The following CFAP91 variants were observed in gnomAD, a reference collection of about 807,000 sequenced individuals.
CFAP91 encodes cilia- and flagella-associated protein 91.
A neutral mutation model predicts 95.9 loss-of-function variants in CFAP91; 85 were observed. The ratio of observed to expected loss-of-function variants is 0.89; its 90% CI spans 0.74 to 1.06. The LOEUF (loss-of-function observed/expected upper bound fraction) is 1.06, where lower values mean the gene tolerates loss of function less well. Ranked by LOEUF, CFAP91 falls within the 50% of genes least tolerant of loss-of-function variation. The pLI, the probability that CFAP91 is intolerant of heterozygous loss-of-function variation, is 0.00. For missense variants in CFAP91, 962 were observed against 943.4 expected (o/e 1.02, Z -0.26); for synonymous variants, 335 against 327.5 (o/e 1.02, Z -0.25).
At chr3:119,751,768 G>A (rs568606324) in intron 17 of CFAP91, among the ~76,000 whole-genome samples, 1 of 152,210 alleles carries the variant, frequency 6.6e-6, no homozygotes. Flanking sequence ...GTTCACACCG[G>A]GTGGGTACAG....
chr3:119,739,522 C>T (rs1227832226), intron 12 of CFAP91, 196 bp downstream of exon 12: 17 of 545,910 alleles, frequency 3.1e-5, no homozygotes, highest in South Asian at 2.3e-4. Flanking sequence ...GTGGGTGGCA[C>T]AGTGTCAAGG....
intron 10 of CFAP91, 147 bp downstream of exon 10, chr3:119,733,653 C>A: frequency 2.7e-6 from 2 of 750,964 alleles, no homozygotes; most frequent in Non-Finnish European, 4.3e-6. Context: ...CCATGCTGTG[C>A]TGAACCAATG....
chr3:119,710,717 C>T (rs2053457166), intron 5 of CFAP91, among the ~76,000 whole-genome samples: 1 of 152,096 alleles, frequency 6.6e-6, no homozygotes, highest in Non-Finnish European at 1.5e-5. Flanking sequence ...TTTTTGAATG[C>T]TAGAATTTTA....
intron 17 of CFAP91, among the ~76,000 whole-genome samples, chr3:119,760,224 C>G (rs186615239): frequency 6.6e-6 from 1 of 151,834 alleles, no homozygotes; most frequent in African/African-American, 2.4e-5. Flanking sequence ...CAAAATAGAA[C>G]AAGTGTAGCT....
chr3:119,703,076 G>A lies in CFAP91; in HGVS notation c.-23G>A, dbSNP rs1559742028. ...AGGCCTGACCCGCTGGTCCCTTGCT[G>A]GCGGGAGGAAAGAGGCGGCACCATG... On this transcript the variant is annotated 5_prime_UTR_variant, in exon 1 of 18. Coordinates refer to ENST00000273390, the MANE Select transcript of CFAP91 (RefSeq NM_033364.4). The A allele has an allele frequency of 3.2e-6, 5 of 1,550,464 alleles. No homozygotes were observed. Among genetic ancestry groups the A allele is most frequent in the Non-Finnish European group, 4.4e-6 (5 of 1,147,056 alleles).
Position 119,732,417 on chromosome 3 carries a change from T to G in CFAP91, c.1142T>G (p.Phe381Cys), listed in dbSNP as rs768065949. Reference protein sequence around the residue: ...VYGPLSRLGCFPDNNSEDFVV... With the variant: ...VYGPLSRLGCCPDNNSEDFVV... ...GGACCTCTGTCTCGTCTTGGGTGTT[T>G]CCCAGACAACAACTCAGAGGACTTT... is the stretch of plus-strand genomic sequence containing the variant. Residue 381 changes from phenylalanine to cysteine, a missense_variant, in exon 9 of 18, where the codon TTC (phenylalanine) becomes TGC (cysteine). By Grantham distance (205) the Phe-to-Cys change is radical. Transcript: ENST00000273390. 2 of 1,612,740 alleles carry G rather than the reference T, an allele frequency of 1.2e-6. No individual in the cohort carries two copies. The highest frequency in any genetic ancestry group is 1.3e-5 in the African/African-American group (1 of 74,988).
intron 10 of CFAP91, among the ~76,000 whole-genome samples, chr3:119,733,833 G>C (rs1423733948): frequency 6.6e-6 from 1 of 152,100 alleles, no homozygotes; most frequent in Non-Finnish European, 1.5e-5. Context: ...GCTATAATAG[G>C]CCCGATTTTC....
At chr3:119,749,617 A>T (rs747674433) in intron 16 of CFAP91, among the ~76,000 whole-genome samples, 9 of 152,164 alleles carry the variant, frequency 5.9e-5, no homozygotes, top group Non-Finnish European at 1.3e-4. Flanking sequence ...AACGGAATCC[A>T]GTGGAACTTA....
chr3:119,747,812 C>T lies in CFAP91; in HGVS notation c.2053C>T (p.Arg685Ter), dbSNP rs113141950. 5.6e-6 allele frequency: 9 copies of T among 1,610,618 alleles called. No homozygotes were observed. Among genetic ancestry groups the T allele is most frequent in the East Asian group, 4.5e-5 (2 of 44,806 alleles). ...NDIAYEMESR[R>*]TYLQSEEIVA... is the part of the protein sequence containing the mutation. ...TTCAATTTGTTTTATATTTTTTAGC[C>T]GAACCTATCTTCAGTCAGAGGAGAT... Residue 685 changes from arginine (R) to a stop codon, truncating the protein, a stop_gained and splice_region_variant, in exon 16 of 18, where the codon CGA (arginine) becomes TGA (stop). Coordinates refer to ENST00000273390, the MANE Select transcript of CFAP91 (RefSeq NM_033364.4). LOFTEE classifies it high-confidence loss of function.
chr3:119,745,213 AAT>A (rs2054198442), intron 14 of CFAP91, among the ~76,000 whole-genome samples: 2 of 152,266 alleles, frequency 1.3e-5, no homozygotes, highest in South Asian at 4.1e-4. Flanking sequence ...TCCTAATTAA[AAT>A]ATAGTGACTA....
intron 5 of CFAP91, chr3:119,715,321 T>A (rs1199114731): frequency 6.4e-6 from 4 of 627,114 alleles, no homozygotes; most frequent in Non-Finnish European, 1.1e-5. Flanking sequence ...TAGGCACTTC[T>A]GTGGGTCAAC....
intron 3 of CFAP91, among the ~76,000 whole-genome samples, chr3:119,708,001 G>T (rs772914820): frequency 7.4e-4 from 113 of 152,056 alleles, no homozygotes; most frequent in African/African-American, 2.1e-3. Context: ...GTGTCTTTTG[G>T]CCAGGCACAG....
Position 119,732,465 on chromosome 3 carries a change from A to C in CFAP91, c.1190A>C (p.Asn397Thr). 6.3e-7 allele frequency: 1 copy of C among 1,599,662 alleles called. No homozygotes were observed. The highest frequency in any genetic ancestry group is 8.5e-7 in the Non-Finnish European group (1 of 1,174,054). The stretch of plus-strand genomic sequence containing the variant: ...TTTGTAGTAAAAAACTACTATCTCA[A>C]CACCTATGAAGGTAAGCAATTTACA... The part of the protein sequence containing the change: ...EDFVVKNYYL[N>T]TYEGLVELES... Residue 397 changes from asparagine to threonine, a missense_variant, in exon 9 of 18, where the codon AAC becomes ACC. By Grantham distance (65) the Asn-to-Thr change is moderately conservative. Transcript: ENST00000273390.
At chr3:119,712,483 A>G (rs1481045427) in intron 5 of CFAP91, among the ~76,000 whole-genome samples, 1 of 152,236 alleles carries the variant, frequency 6.6e-6, no homozygotes, top group Admixed American at 6.5e-5. Context: ...ATGGTGCAGT[A>G]ATATAATAAA....
At chr3:119,751,204 A>G in intron 17 of CFAP91, 106 bp downstream of exon 17, 1 of 1,273,468 alleles carries the variant, frequency 7.9e-7, no homozygotes, top group Non-Finnish European at 1.1e-6. Context: ...ATTGCTGTTT[A>G]AGAAATGGAG....
intron 7 of CFAP91, 29 bp from the exon 8 acceptor site, chr3:119,730,191 C>A: frequency 6.2e-7 from 1 of 1,603,724 alleles, no homozygotes; most frequent in Non-Finnish European, 8.5e-7. Context: ...ATGCCATATG[C>A]TTCTTTATGT....
chr3:119,747,724 G>A (rs2054250916), intron 15 of CFAP91, 87 bp from the exon 16 acceptor site: 4 of 1,030,662 alleles, frequency 3.9e-6, no homozygotes, highest in Non-Finnish European at 5.7e-6. Context: ...GGGTTTGAAT[G>A]GAGTTGCTTA....
chr3:119,743,214 C>T (rs1310439924), intron 13 of CFAP91, among the ~76,000 whole-genome samples: 2 of 151,088 alleles, frequency 1.3e-5, no homozygotes, highest in Non-Finnish European at 1.5e-5. Flanking sequence ...GCCTCCTGGG[C>T]GCAGGCAATT....
Position 119,740,669 on chromosome 3 carries a change from C to A in CFAP91, c.1654C>A (p.Arg552=). 6.2e-7 allele frequency: 1 copy of A among 1,614,110 alleles called. No homozygotes were observed. The highest frequency in any genetic ancestry group is 1.1e-5 in the South Asian group (1 of 91,084). Residue 552 remains arginine (R), a synonymous_variant, in exon 13 of 18, where the codon CGG becomes AGG. Transcript: ENST00000273390. The stretch of plus-strand genomic sequence containing the variant: ...GAAGCAAGTGACCCTGGCCTTACAG[C>A]GGCAGAGGAACTTGCATGAGCACAA... ...AEKQVTLALQ[R]QRNLHEHKVS... is the part of the protein sequence containing the mutation.
Sources: allele counts gnomAD v4.1 joint callset (sites outside exome capture counted in the v4.1 genomes callset), GRCh38; gene constraint gnomAD v4.1.1; transcripts MANE v1.5; gene names NCBI Gene and HGNC (gene_info 2026-07-23, HGNC 2026-07-21).